The following HPSE2 variants were observed in gnomAD, a reference collection of about 807,000 sequenced individuals.
The protein encoded by HPSE2 is inactive heparanase-2.
In HPSE2, 38 loss-of-function variants were observed where a neutral mutation model predicts 60.5. The observed-to-expected ratio is 0.63, with a 90% CI of 0.48 to 0.82. The LOEUF (loss-of-function observed/expected upper bound fraction) is 0.82. Ranked by LOEUF, HPSE2 falls within the 40% of genes least tolerant of loss-of-function variation. HPSE2 has a pLI of 0.00. For synonymous variants in HPSE2, 295 were observed against 293.2 expected (o/e 1.01, Z -0.06); for missense variants, 713 against 740.4 (o/e 0.96, Z 0.43).
intron 3 of HPSE2, among the ~76,000 whole-genome samples, chr10:98,933,731 T>C (rs1248099004): frequency 7.1e-6 from 1 of 141,216 alleles, no homozygotes; most frequent in Non-Finnish European, 1.5e-5. Context: ...CTTTTTCTTT[T>C]TCTTTTCTTT....
At chr10:98,777,383 A>G (rs1950364723) in intron 3 of HPSE2, among the ~76,000 whole-genome samples, 1 of 152,210 alleles carries the variant, frequency 6.6e-6, no homozygotes, top group Non-Finnish European at 1.5e-5. Context: ...ATATAAAAAC[A>G]ATTACATGCA....
At chr10:98,688,413 G>GT (rs1309993083) in intron 6 of HPSE2, among the ~76,000 whole-genome samples, 1 of 142,642 alleles carries the variant, frequency 7.0e-6, no homozygotes, top group Non-Finnish European at 1.5e-5. Context: ...TGAGATCCAA[G>GT]TTTCCTTCTG....
At chr10:99,163,047 A>T (rs1846908350) in intron 2 of HPSE2, among the ~76,000 whole-genome samples, 1 of 152,042 alleles carries the variant, frequency 6.6e-6, no homozygotes, top group South Asian at 2.1e-4. Flanking sequence ...GTCTCTACTA[A>T]AATTACCAAA....
intron 2 of HPSE2, among the ~76,000 whole-genome samples, chr10:99,202,772 A>G (rs1848619082): frequency 6.6e-6 from 1 of 152,156 alleles, no homozygotes; most frequent in Non-Finnish European, 1.5e-5. Context: ...CTAACCACAC[A>G]CAAACGAACC....
chr10:99,060,684 A>T (rs996704287), intron 3 of HPSE2, among the ~76,000 whole-genome samples: 4 of 126,378 alleles, frequency 3.2e-5, no homozygotes, highest in Non-Finnish European at 7.1e-5. Flanking sequence ...AAAAAAAAAA[A>T]GGTGAGCAAT....
chr10:98,683,006 T>C (rs1055281170), intron 6 of HPSE2, among the ~76,000 whole-genome samples: 3 of 152,204 alleles, frequency 2.0e-5, no homozygotes, highest in Admixed American at 6.5e-5. Context: ...CATCCAGCCC[T>C]TTCTCTCAGA....
intron 3 of HPSE2, among the ~76,000 whole-genome samples, chr10:98,852,452 G>T (rs1314855014): frequency 6.6e-6 from 1 of 152,076 alleles, no homozygotes; most frequent in Non-Finnish European, 1.5e-5. Context: ...GGCTCAAGTG[G>T]TCCTCTGGCC....
the HPSE2 span, among the ~76,000 whole-genome samples, chr10:99,305,965 G>A: frequency 6.1e-3 from 387 of 63,932 alleles, 5 homozygotes; most frequent in African/African-American, 0.015. Context: ...ACACACACGC[G>A]CGCGCGCGCG....
At chr10:99,241,830 C>T in the HPSE2 span, among the ~76,000 whole-genome samples, 4 of 152,180 alleles carry the variant, frequency 2.6e-5, no homozygotes, top group South Asian at 6.2e-4. Context: ...GTCTCCCACA[C>T]GTGCCACAAA....
intron 6 of HPSE2, among the ~76,000 whole-genome samples, chr10:98,670,721 A>T (rs995599465): frequency 6.6e-6 from 1 of 152,240 alleles, no homozygotes; most frequent in African/African-American, 2.4e-5. Context: ...GATTCCAGAC[A>T]TTGTATAGAA....
chr10:99,004,935 TTTC>T (rs773530771), intron 3 of HPSE2, among the ~76,000 whole-genome samples: 5 of 152,222 alleles, frequency 3.3e-5, no homozygotes, highest in South Asian at 2.1e-4. Flanking sequence ...GTTGGCAGGG[TTTC>T]TTTTTTCCTT....
chr10:98,459,485 T>G lies in HPSE2; in HGVS notation c.*89A>C. ...GGATGGGGCAGCAGGGGCTGGTTGC[T>G]AGGATGTCTGAAAACAGAGGATACT... On this transcript the variant is annotated 3_prime_UTR_variant, in exon 12 of 12. Transcript: ENST00000370552. 7.2e-7 allele frequency: 1 copy of G among 1,397,910 alleles called. No homozygotes were observed. Among genetic ancestry groups the G allele is most frequent in the Non-Finnish European group, 1.0e-6 (1 of 984,292 alleles). The allele number at this position is 1,397,910 out of a possible 1,614,324, so 86.6% of individuals were successfully genotyped here.
At chr10:98,876,359 C>T (rs1243841047) in intron 3 of HPSE2, among the ~76,000 whole-genome samples, 2 of 151,710 alleles carry the variant, frequency 1.3e-5, no homozygotes, top group Admixed American at 6.6e-5. Flanking sequence ...AATGAGTTAA[C>T]CAGTTCTGGT....
chr10:98,945,130 A>G (rs1418891274), intron 3 of HPSE2, among the ~76,000 whole-genome samples: 1 of 152,158 alleles, frequency 6.6e-6, no homozygotes, highest in Non-Finnish European at 1.5e-5. Flanking sequence ...CCTTTTGTGT[A>G]TGGAATTCCC....
chr10:99,114,135 C>G (rs1844581327), intron 3 of HPSE2, among the ~76,000 whole-genome samples: 2 of 152,230 alleles, frequency 1.3e-5, no homozygotes, highest in Non-Finnish European at 2.9e-5. Context: ...AACAAGTCAT[C>G]TTCTTACAGG....
chr10:98,950,627 G>C (rs1299458124), intron 3 of HPSE2, among the ~76,000 whole-genome samples: 1 of 152,098 alleles, frequency 6.6e-6, no homozygotes, highest in East Asian at 1.9e-4. Context: ...CTTAAAGTCA[G>C]GAACACAGAA....
intron 10 of HPSE2, 108 bp from the exon 11 acceptor site, chr10:98,482,890 A>G: frequency 1.6e-6 from 2 of 1,235,080 alleles, no homozygotes. Flanking sequence ...TGAAAATGGC[A>G]CTTAAAAACT....
intron 9 of HPSE2, among the ~76,000 whole-genome samples, chr10:98,608,711 T>A (rs911645028): frequency 6.6e-6 from 1 of 152,192 alleles, no homozygotes; most frequent in Non-Finnish European, 1.5e-5. Context: ...AGGCTGCACA[T>A]GGTGAAATCT....
the HPSE2 span, among the ~76,000 whole-genome samples, chr10:99,291,188 G>A: frequency 6.6e-6 from 1 of 152,246 alleles, no homozygotes; most frequent in African/African-American, 2.4e-5. Flanking sequence ...AGCACACAAG[G>A]CCACAGGGGA....
Sources: gnomAD v4.1 joint callset for allele counts (sites outside exome capture counted in the v4.1 genomes callset) on GRCh38, gnomAD v4.1.1 for gene constraint, MANE v1.5 for transcripts, NCBI Gene and HGNC (gene_info 2026-07-23, HGNC 2026-07-21) for gene names.